RBM20: variants seen among roughly 807,000 people sequenced by gnomAD.
The protein encoded by RBM20 is RNA-binding protein 20.
In RBM20, 51 loss-of-function variants were observed where a neutral mutation model predicts 110.1. The ratio of observed to expected loss-of-function variants is 0.46; its 90% CI spans 0.37 to 0.59. The LOEUF (loss-of-function observed/expected upper bound fraction) is 0.59, where lower values mean the gene tolerates loss of function less well. Ranked by LOEUF, RBM20 falls within the 20% of genes least tolerant of loss-of-function variation. RBM20 has a pLI of 0.00. For missense variants in RBM20, 1,512 were observed against 1,574.9 expected, an observed-to-expected ratio of 0.96 and a Z score of 0.68; for synonymous variants, 589 against 618.2, an observed-to-expected ratio of 0.95 and a Z score of 0.70.
intron 1 of RBM20, among the ~76,000 whole-genome samples, chr10:110,661,171 C>T (rs554849345): frequency 6.6e-6 from 1 of 152,320 alleles, no homozygotes; most frequent in African/African-American, 2.4e-5. Context: ...TTTGTTCCCT[C>T]TCTGAGCCCA....
intron 7 of RBM20, among the ~76,000 whole-genome samples, chr10:110,805,631 C>A (rs1461548707): frequency 6.6e-6 from 1 of 152,194 alleles, no homozygotes; most frequent in African/African-American, 2.4e-5. Flanking sequence ...AGTGAGTTTC[C>A]CATCGGCAAT....
At chr10:110,760,937 C>CA (rs936804133) in intron 1 of RBM20, among the ~76,000 whole-genome samples, 23 of 147,374 alleles carry the variant, frequency 1.6e-4, no homozygotes, top group African/African-American at 4.0e-4. Flanking sequence ...ACTAAAAATA[C>CA]AAAAAAAAAT....
At position 110,839,183 on chromosome 10, in the gene RBM20, A is replaced by G. The variant is rs1308474804; in HGVS notation, c.*3205A>G. The G allele has an allele frequency of 6.6e-6, 1 of 152,230 alleles. No homozygotes were observed. The highest frequency in any genetic ancestry group is 2.4e-5 in the African/African-American group (1 of 41,470). The allele number at this position is 152,230 out of a possible 1,614,324, so 9.4% of individuals were successfully genotyped here. Reference sequence around the variant, plus strand: ...ATCCCCAAAGAATTTGGAAAATCTGATGGTGTGAGCAGCAGCCGTTAGTAT... The same window carrying G: ...ATCCCCAAAGAATTTGGAAAATCTGGTGGTGTGAGCAGCAGCCGTTAGTAT... On this transcript the variant is annotated 3_prime_UTR_variant, in exon 14 of 14. Transcript: ENST00000369519.
intron 7 of RBM20, among the ~76,000 whole-genome samples, chr10:110,809,692 C>T (rs1446909498): frequency 6.6e-6 from 1 of 152,140 alleles, no homozygotes; most frequent in African/African-American, 2.4e-5. Context: ...ACCCTCCTCA[C>T]AGATTTACTT....
At chr10:110,650,021 G>C (rs954918603) in intron 1 of RBM20, among the ~76,000 whole-genome samples, 12 of 152,124 alleles carry the variant, frequency 7.9e-5, no homozygotes, top group African/African-American at 2.9e-4. Context: ...AGTTTGACTG[G>C]CTCCATGGGT....
intron 1 of RBM20, among the ~76,000 whole-genome samples, chr10:110,681,194 G>C (rs1862418961): frequency 6.6e-6 from 1 of 152,204 alleles, no homozygotes; most frequent in South Asian, 2.1e-4. Context: ...TGACAGAACT[G>C]GCCCGGAATC....
At chr10:110,661,312 C>G (rs1044823952) in intron 1 of RBM20, among the ~76,000 whole-genome samples, 1 of 152,156 alleles carries the variant, frequency 6.6e-6, no homozygotes, top group Admixed American at 6.5e-5. Flanking sequence ...CCTGGGCACC[C>G]GTGACTTGGT....
chr10:110,771,006 TC>T (rs1844180267), intron 1 of RBM20, among the ~76,000 whole-genome samples: 1 of 152,360 alleles, frequency 6.6e-6, no homozygotes, highest in African/African-American at 2.4e-5. Flanking sequence ...CTGAATCTAA[TC>T]CACATTCTCT....
chr10:110,697,694 AC>A (rs527866804), intron 1 of RBM20, among the ~76,000 whole-genome samples: 48 of 151,948 alleles, frequency 3.2e-4, no homozygotes, highest in African/African-American at 8.7e-4. Context: ...ATCCACTGTC[AC>A]TATCCCTTCA....
At chr10:110,656,232 G>C (rs1196428184) in intron 1 of RBM20, among the ~76,000 whole-genome samples, 8 of 152,032 alleles carry the variant, frequency 5.3e-5, no homozygotes, top group Admixed American at 5.2e-4. Context: ...AACTCGGGAG[G>C]CAGAGGTTAC....
intron 1 of RBM20, among the ~76,000 whole-genome samples, chr10:110,679,109 C>A (rs1243387035): frequency 6.6e-6 from 1 of 152,194 alleles, no homozygotes; most frequent in Non-Finnish European, 1.5e-5. Flanking sequence ...TATAAGTACT[C>A]CTGTCTTCCT....
chr10:110,778,960 C>G (rs921320355), intron 1 of RBM20, among the ~76,000 whole-genome samples: 17 of 152,216 alleles, frequency 1.1e-4, no homozygotes, highest in African/African-American at 3.6e-4. Flanking sequence ...TCCCCTACCT[C>G]AAATTCAGAT....
At chr10:110,823,690 G>A in intron 12 of RBM20, 76 bp downstream of exon 12, 2 of 1,482,802 alleles carry the variant, frequency 1.3e-6, no homozygotes, top group Non-Finnish European at 1.8e-6. Flanking sequence ...AAGAGCTTGA[G>A]AGAGCTTTTT....
At chr10:110,705,947 T>C (rs889078053) in intron 1 of RBM20, among the ~76,000 whole-genome samples, 10 of 152,218 alleles carry the variant, frequency 6.6e-5, no homozygotes, top group African/African-American at 1.9e-4. Context: ...CCGGGTGTGA[T>C]GGCAGAGTCT....
chr10:110,689,805 T>G (rs1438169141), intron 1 of RBM20, among the ~76,000 whole-genome samples: 1 of 152,186 alleles, frequency 6.6e-6, no homozygotes, highest in Non-Finnish European at 1.5e-5. Context: ...TTCTATTTCT[T>G]GGTATTCTTC....
intron 8 of RBM20, among the ~76,000 whole-genome samples, chr10:110,810,760 G>A (rs529798033): frequency 2.0e-4 from 31 of 152,078 alleles, no homozygotes; most frequent in Non-Finnish European, 4.3e-4. Flanking sequence ...TTTGGGGCAA[G>A]TCTACACCCT....
chr10:110,801,700 CTTTTTTT>C (rs61281177), intron 7 of RBM20, among the ~76,000 whole-genome samples: 1 of 116,762 alleles, frequency 8.6e-6, no homozygotes. Flanking sequence ...TGCCTGGCTA[CTTTTTTT>C]TTTTTTTTTT....
chr10:110,831,035 C>T (rs766782602), intron 12 of RBM20, 26 bp from the exon 13 acceptor site: 20 of 1,542,502 alleles, frequency 1.3e-5, no homozygotes, highest in African/African-American at 6.9e-5. Flanking sequence ...CCTAACCCTG[C>T]GTGTCTATCC....
At chr10:110,647,980 G>T (rs1385676945) in intron 1 of RBM20, among the ~76,000 whole-genome samples, 2 of 152,056 alleles carry the variant, frequency 1.3e-5, no homozygotes, top group Non-Finnish European at 2.9e-5. Context: ...CTCTTATGAA[G>T]TGAATGTAGA....
Sources: allele counts gnomAD v4.1 joint callset (sites outside exome capture counted in the v4.1 genomes callset), GRCh38; gene constraint gnomAD v4.1.1; transcripts MANE v1.5; gene names NCBI Gene and HGNC (gene_info 2026-07-23, HGNC 2026-07-21).